The following NPAS3 variants were observed in gnomAD, a reference collection of about 807,000 sequenced individuals.
NPAS3 encodes neuronal PAS domain-containing protein 3.
In NPAS3, 14 loss-of-function variants were observed where a neutral mutation model predicts 73.1. The ratio of observed to expected loss-of-function variants is 0.19; its 90% CI spans 0.13 to 0.30. The LOEUF is 0.30. NPAS3 is among the 10% of genes least tolerant of loss of function. The pLI, the probability that NPAS3 is intolerant of heterozygous loss-of-function variation, is 1.00. For missense variants in NPAS3, 1,096 were observed against 1,250.0 expected (o/e 0.88, Z 1.86); for synonymous variants, 620 against 541.5 (o/e 1.14, Z -2.01).
At chr14:33,091,488 G>A (rs2042222633) in intron 2 of NPAS3, among the ~76,000 whole-genome samples, 1 of 152,110 alleles carries the variant, frequency 6.6e-6, no homozygotes, top group African/African-American at 2.4e-5. Flanking sequence ...TAAAATTGAG[G>A]CAATAATTAG....
At chr14:33,413,175 C>CT (rs1389646781) in intron 4 of NPAS3, among the ~76,000 whole-genome samples, 2 of 151,874 alleles carry the variant, frequency 1.3e-5, no homozygotes, top group East Asian at 1.9e-4. Flanking sequence ...ATTTTTAGTG[C>CT]TTTTTTTCCC....
chr14:33,152,681 A>G (rs2044493983), intron 2 of NPAS3, among the ~76,000 whole-genome samples: 2 of 152,168 alleles, frequency 1.3e-5, no homozygotes, highest in Non-Finnish European at 1.5e-5. Context: ...CCATTTTCAT[A>G]TAGCATCTGG....
At chr14:33,276,156 C>T (rs938950284) in intron 3 of NPAS3, among the ~76,000 whole-genome samples, 2 of 152,058 alleles carry the variant, frequency 1.3e-5, no homozygotes, top group African/African-American at 2.4e-5. Flanking sequence ...ATTTCTACAT[C>T]GAAAGTAGGG....
chr14:33,222,030 A>T (rs1294889895), intron 3 of NPAS3, among the ~76,000 whole-genome samples: 1 of 152,110 alleles, frequency 6.6e-6, no homozygotes, highest in Non-Finnish European at 1.5e-5. Flanking sequence ...TCGATGAAGA[A>T]TGGACAGCTG....
chr14:33,790,413 A>G (rs2063323009), intron 9 of NPAS3, among the ~76,000 whole-genome samples: 4 of 152,232 alleles, frequency 2.6e-5, no homozygotes, highest in Admixed American at 2.0e-4. Context: ...CTAATTTATT[A>G]CACACTAAAA....
chr14:33,503,357 A>G (rs898887183), intron 4 of NPAS3, among the ~76,000 whole-genome samples: 5 of 151,952 alleles, frequency 3.3e-5, no homozygotes, highest in South Asian at 2.1e-4. Context: ...TATAATGACT[A>G]TAATAATGTT....
chr14:33,542,334 G>C (rs937993866), intron 4 of NPAS3, among the ~76,000 whole-genome samples: 1 of 152,024 alleles, frequency 6.6e-6, no homozygotes, highest in African/African-American at 2.4e-5. Context: ...TTGTCCTCGA[G>C]AGTCCTCACT....
intron 4 of NPAS3, among the ~76,000 whole-genome samples, chr14:33,387,151 T>C (rs2046807080): frequency 6.6e-6 from 1 of 152,178 alleles, no homozygotes; most frequent in Non-Finnish European, 1.5e-5. Flanking sequence ...ACCACCCAAA[T>C]TTTTACACAT....
intron 4 of NPAS3, 125 bp downstream of exon 4, chr14:33,367,393 A>G (rs1609948): frequency 0.52 from 275,312 of 527,448 alleles, 73,053 homozygotes; most frequent in Admixed American, 0.58. Context: ...TTTTATCTTG[A>G]AATTCCGAAA....
intron 6 of NPAS3, among the ~76,000 whole-genome samples, chr14:33,691,090 A>G (rs2060223889): frequency 6.6e-6 from 1 of 152,248 alleles, no homozygotes; most frequent in South Asian, 2.1e-4. Context: ...CATGGTTTTG[A>G]TAAGCACATT....
intron 2 of NPAS3, among the ~76,000 whole-genome samples, chr14:33,149,189 T>C (rs1409070723): frequency 6.6e-6 from 1 of 152,188 alleles, no homozygotes; most frequent in Non-Finnish European, 1.5e-5. Context: ...TATCCATCAA[T>C]ATAGGAATAA....
intron 3 of NPAS3, among the ~76,000 whole-genome samples, chr14:33,297,684 C>T (rs541202146): frequency 6.6e-6 from 1 of 152,114 alleles, no homozygotes; most frequent in African/African-American, 2.4e-5. Flanking sequence ...TGTCAGGATC[C>T]CTGCTGCTTG....
chr14:33,328,545 C>A (rs1236790404), intron 3 of NPAS3, among the ~76,000 whole-genome samples: 1 of 126,308 alleles, frequency 7.9e-6, no homozygotes, highest in Non-Finnish European at 1.6e-5. Flanking sequence ...TGGCTCACTG[C>A]AACCTCTGCC....
At chr14:33,328,971 G>A (rs1305285797) in intron 3 of NPAS3, among the ~76,000 whole-genome samples, 2 of 152,058 alleles carry the variant, frequency 1.3e-5, no homozygotes, top group Non-Finnish European at 2.9e-5. Context: ...GATATTTTTA[G>A]TAGCATATTA....
chr14:33,084,935 T>TA (rs1443144548), intron 2 of NPAS3, among the ~76,000 whole-genome samples: 1 of 152,188 alleles, frequency 6.6e-6, no homozygotes, highest in Non-Finnish European at 1.5e-5. Flanking sequence ...TGTTTTGGCG[T>TA]AAGATATGAA....
At position 33,240,768 on chromosome 14, in the gene NPAS3, C is replaced by T. The variant is rs115514443; in HGVS notation, c.385+25342C>T. 4.9e-3 allele frequency among the ~76,000 whole-genome samples: 746 copies of T among 151,962 alleles called. 4 individuals are homozygous for T. Among genetic ancestry groups the T allele is most frequent in the African/African-American group, 0.017 (689 of 41,508 alleles). On this transcript the variant is annotated intron_variant, in intron 3 of 11. Coordinates refer to ENST00000356141, the Ensembl canonical transcript of NPAS3. ...TAATCTTTAAAATGTAGTTTTTAAG[C>T]ACCTCTTAGGGACTTAATATTTCTA...
intron 3 of NPAS3, among the ~76,000 whole-genome samples, chr14:33,337,139 AG>A (rs2044265145): frequency 6.6e-6 from 1 of 152,176 alleles, no homozygotes; most frequent in South Asian, 2.1e-4. Context: ...GTGTCATATC[AG>A]AGAAATCTTT....
At chr14:33,046,314 A>G (rs1015496752) in intron 1 of NPAS3, among the ~76,000 whole-genome samples, 6 of 152,180 alleles carry the variant, frequency 3.9e-5, no homozygotes, top group African/African-American at 1.2e-4. Context: ...AGAGGTAGGC[A>G]GGAGCCTTGC....
chr14:33,622,824 T>C (rs1383916034), intron 5 of NPAS3, among the ~76,000 whole-genome samples: 1 of 152,202 alleles, frequency 6.6e-6, no homozygotes, highest in East Asian at 1.9e-4. Flanking sequence ...GGAAGAACTC[T>C]GCAGAGATTT....
Sources: gnomAD v4.1 joint callset for allele counts (sites outside exome capture counted in the v4.1 genomes callset) on GRCh38, gnomAD v4.1.1 for gene constraint, MANE v1.5 for transcripts, NCBI Gene and HGNC (gene_info 2026-07-23, HGNC 2026-07-21) for gene names.